The following ANK2 variants were observed in gnomAD, a reference collection of about 807,000 sequenced individuals.
ANK2 encodes ankyrin-2.
ANK2 carries 83 observed loss-of-function variants against 360.5 expected under a neutral mutation model. The ratio of observed to expected loss-of-function variants is 0.23; its 90% CI spans 0.19 to 0.28. The LOEUF is 0.28. Ranked by LOEUF, ANK2 falls within the 10% of genes least tolerant of loss-of-function variation. ANK2 has a pLI of 1.00. For synonymous variants in ANK2, 1,740 were observed against 1,759.5 expected (o/e 0.99, Z 0.28); for missense variants, 4,201 against 4,795.7 (o/e 0.88, Z 3.66).
chr4:112,895,492 G>A (rs981725313), intron 1 of ANK2, among the ~76,000 whole-genome samples: 8 of 152,080 alleles, frequency 5.3e-5, no homozygotes, highest in Non-Finnish European at 1.0e-4. Context: ...GGTGCTGAAC[G>A]CCATGGATTT....
chr4:112,915,409 T>C (rs1264184363), intron 2 of ANK2, among the ~76,000 whole-genome samples: 5 of 152,072 alleles, frequency 3.3e-5, no homozygotes, highest in Non-Finnish European at 1.5e-5. Context: ...AAATATAAAA[T>C]GGGGTCTATT....
chr4:113,260,301 T>C (rs1253567261), intron 13 of ANK2, among the ~76,000 whole-genome samples: 2 of 152,200 alleles, frequency 1.3e-5, no homozygotes, highest in Non-Finnish European at 1.5e-5. Context: ...AAATAAAATA[T>C]TAATTGAAAC....
intron 2 of ANK2, among the ~76,000 whole-genome samples, chr4:113,017,498 G>T (rs1312768814): frequency 1.3e-5 from 2 of 152,120 alleles, no homozygotes; most frequent in East Asian, 3.8e-4. Context: ...AACCAACATT[G>T]CAGAAATTAG....
intron 2 of ANK2, among the ~76,000 whole-genome samples, chr4:113,039,320 C>T (rs2062357319): frequency 6.6e-6 from 1 of 151,946 alleles, no homozygotes; most frequent in Admixed American, 6.6e-5. Flanking sequence ...CAAAGGGTAA[C>T]ATTGTGAAAA....
chr4:112,848,630 T>TA (rs1253614386), intron 1 of ANK2, among the ~76,000 whole-genome samples: 1 of 152,236 alleles, frequency 6.6e-6, no homozygotes, highest in East Asian at 1.9e-4. Context: ...TAGCATTTTA[T>TA]AATGCTTCTG....
chr4:113,343,032 C>G lies in ANK2; in HGVS notation c.4138C>G (p.Pro1380Ala), dbSNP rs1259616424. 6.2e-7 allele frequency: 1 copy of G among 1,613,830 alleles called. No homozygotes were observed. The highest frequency in any genetic ancestry group is 8.5e-7 in the Non-Finnish European group (1 of 1,179,910). The change falls in exon 34 of 46, where the codon CCC becomes GCC. Residue 1380 changes from proline (P) to alanine (A), a missense_variant. By Grantham distance (27) the Pro-to-Ala change is conservative (BLOSUM62 -1). Transcript: ENST00000357077. Reference protein sequence around the residue: ...SRDVEVLEGKPIYVDCFGNLV... With the variant: ...SRDVEVLEGKAIYVDCFGNLV... ...TTTCACTCAGGTGTTAGAAGGAAAA[C>G]CCATCTACGTTGATTGTTTCGGCAA...
chr4:112,864,837 C>A (rs555672938), intron 1 of ANK2, among the ~76,000 whole-genome samples: 4 of 150,456 alleles, frequency 2.7e-5, no homozygotes, highest in Non-Finnish European at 4.4e-5. Flanking sequence ...TTGAGACCAT[C>A]CTGGCTAACA....
intron 1 of ANK2, among the ~76,000 whole-genome samples, chr4:112,822,995 C>T (rs1227842767): frequency 6.6e-6 from 1 of 152,030 alleles, no homozygotes; most frequent in Non-Finnish European, 1.5e-5. Flanking sequence ...TTAGAATGCC[C>T]ATCTGTTAAT....
chr4:112,838,674 C>T (rs148093757), intron 1 of ANK2, among the ~76,000 whole-genome samples: 2,682 of 152,276 alleles, frequency 0.018, 88 homozygotes, highest in African/African-American at 0.059. Flanking sequence ...TCAAGACCAG[C>T]CTGGCCAACA....
At chr4:112,903,279 A>ATTTTCC (rs1017447190) in intron 1 of ANK2, among the ~76,000 whole-genome samples, 1 of 152,100 alleles carries the variant, frequency 6.6e-6, no homozygotes, top group African/African-American at 2.4e-5. Context: ...TTCTTGCCAT[A>ATTTTCC]TTTTCCTATG....
At chr4:112,867,095 A>G (rs2070881732) in intron 1 of ANK2, among the ~76,000 whole-genome samples, 1 of 151,970 alleles carries the variant, frequency 6.6e-6, no homozygotes, top group Admixed American at 6.6e-5. Flanking sequence ...TTCTGCTTTC[A>G]TAATTACCTT....
At chr4:113,157,043 T>C (rs1583306943) in intron 1 of ANK2, among the ~76,000 whole-genome samples, 3 of 152,176 alleles carry the variant, frequency 2.0e-5, no homozygotes, top group Admixed American at 6.5e-5. Flanking sequence ...GAAATAAGTA[T>C]TTCTATGTTT....
chr4:112,978,194 A>T (rs2042042427), intron 2 of ANK2, among the ~76,000 whole-genome samples: 1 of 151,902 alleles, frequency 6.6e-6, no homozygotes, highest in Non-Finnish European at 1.5e-5. Flanking sequence ...CAGTGAGTCG[A>T]GATTGCGCCA....
At chr4:112,772,195 A>G in the ANK2 span, among the ~76,000 whole-genome samples, 1 of 152,184 alleles carries the variant, frequency 6.6e-6, no homozygotes, top group African/African-American at 2.4e-5. Context: ...ACAGTTCCTC[A>G]TGGCTGGGAA....
Position 113,343,148 on chromosome 4 carries a change from A to G in ANK2, c.4248+6A>G. 6.2e-7 allele frequency: 1 copy of G among 1,612,738 alleles called. No homozygotes were observed. Among genetic ancestry groups the G allele is most frequent in the Non-Finnish European group, 8.5e-7 (1 of 1,179,150 alleles). ...GACTTCCTCTATTTGTCAAGGTAAT[A>G]TATACATGGAATTTTGTGATGCATT... On this transcript the variant is annotated splice_donor_region_variant and intron_variant, in intron 34 of 45. Coordinates refer to ENST00000357077, the MANE Select transcript of ANK2 (RefSeq NM_001148.6).
Position 113,000,130 on chromosome 4 carries a change from G to A in ANK2, c.21+95616G>A, listed in dbSNP as rs189726147. Among the ~76,000 whole-genome samples, 1,046 of 152,292 alleles carry A rather than the reference G, an allele frequency of 6.9e-3. 13 individuals are homozygous for A. The highest frequency in any genetic ancestry group is 0.024 in the African/African-American group (993 of 41,552). On this transcript the variant is annotated intron_variant, in intron 2 of 30. Transcript: ENST00000503271. ...TTATATACCATTTTAACAAAGAAAA[G>A]GGGGGTTGGCTCTGAGGGATGATAA...
chr4:112,806,124 A>T, the ANK2 span, among the ~76,000 whole-genome samples: 9 of 152,128 alleles, frequency 5.9e-5, no homozygotes, highest in Non-Finnish European at 1.2e-4. Flanking sequence ...TGATTATAGT[A>T]ACCCTATTGT....
At chr4:113,340,389 A>G (rs1162047659) in intron 32 of ANK2, among the ~76,000 whole-genome samples, 2 of 152,188 alleles carry the variant, frequency 1.3e-5, no homozygotes, top group African/African-American at 2.4e-5. Context: ...CATGTAGTCT[A>G]TAATTCAAAA....
At chr4:112,745,988 G>C in the ANK2 span, among the ~76,000 whole-genome samples, 1 of 151,340 alleles carries the variant, frequency 6.6e-6, no homozygotes, top group Non-Finnish European at 1.5e-5. Flanking sequence ...AATCATTCTT[G>C]TTGTTGTTAT....
Sources: gnomAD v4.1 joint callset for allele counts (sites outside exome capture counted in the v4.1 genomes callset) on GRCh38, gnomAD v4.1.1 for gene constraint, MANE v1.5 for transcripts, NCBI Gene and HGNC (gene_info 2026-07-23, HGNC 2026-07-21) for gene names.